The following GCSAML variants were observed in gnomAD, a reference collection of about 807,000 sequenced individuals.
GCSAML encodes the protein germinal center-associated signaling and motility-like protein.
Under a neutral mutation model 13.0 loss-of-function variants are expected in GCSAML, and 9 were observed. The ratio of observed to expected loss-of-function variants is 0.69; its 90% CI spans 0.42 to 1.21. GCSAML has a LOEUF of 1.21. Among genes scored for constraint, GCSAML ranks in the 50% most tolerant of loss-of-function variants. The pLI, the probability that GCSAML is intolerant of heterozygous loss-of-function variation, is 0.00. For missense variants in GCSAML, 143 were observed against 153.4 expected, an observed-to-expected ratio of 0.93 and a Z score of 0.36; for synonymous variants, 37 against 52.9, an observed-to-expected ratio of 0.70 and a Z score of 1.31.
chr1:247,561,567 T>C (rs1668129442), intron 2 of GCSAML, among the ~76,000 whole-genome samples: 1 of 152,198 alleles, frequency 6.6e-6, no homozygotes, highest in African/African-American at 2.4e-5. Flanking sequence ...TTAATGTTGC[T>C]TTAATTTAAT....
chr1:247,512,056 T>C (rs1053719728), intron 1 of GCSAML, among the ~76,000 whole-genome samples: 4 of 152,202 alleles, frequency 2.6e-5, no homozygotes, highest in Non-Finnish European at 5.9e-5. Flanking sequence ...TTGGCCTGCC[T>C]TGCTAGGTTG....
At chr1:247,523,429 G>T (rs1030978622) in intron 1 of GCSAML, among the ~76,000 whole-genome samples, 1 of 152,140 alleles carries the variant, frequency 6.6e-6, no homozygotes, top group Non-Finnish European at 1.5e-5. Context: ...ACCCTTTACA[G>T]ATAAAGACAA....
chr1:247,521,774 G>A (rs980206454), intron 1 of GCSAML, among the ~76,000 whole-genome samples: 1 of 152,128 alleles, frequency 6.6e-6, no homozygotes, highest in South Asian at 2.1e-4. Context: ...CCAAAGTGCC[G>A]AGATTGCAGC....
At position 247,577,432 on chromosome 1, in the gene GCSAML, G is replaced by A. The variant is rs1299622452; in HGVS notation, c.*3050G>A. On this transcript the variant is annotated 3_prime_UTR_variant, in exon 5 of 5. Transcript: ENST00000366488. The stretch of plus-strand genomic sequence containing the variant: ...TGATCTGCTTCGTATAATTATAACT[G>A]TTCTAGATATTTGTAGCAATGTACC... 1.3e-5 allele frequency: 2 copies of A among 152,076 alleles called. No individual in the cohort carries two copies. Among genetic ancestry groups the A allele is most frequent in the African/African-American group, 4.8e-5 (2 of 41,408 alleles). 9.4% of individuals were successfully genotyped at this position (152,076 alleles called of 1,614,324 possible).
chr1:247,530,076 T>G (rs1666857200), intron 2 of GCSAML: 1 of 152,178 alleles, frequency 6.6e-6, no homozygotes, highest in Non-Finnish European at 1.5e-5. Flanking sequence ...TACACATATT[T>G]TTGGTTCTGT....
At chr1:247,537,132 C>T (rs1457400515) in intron 2 of GCSAML, among the ~76,000 whole-genome samples, 1 of 152,156 alleles carries the variant, frequency 6.6e-6, no homozygotes, top group East Asian at 1.9e-4. Flanking sequence ...CTTCATTTGC[C>T]AGCTCTCCCT....
rs946090260 is a variant in GCSAML at position 247,575,389 on chromosome 1, C to G, written c.*1007C>G. ...AATCTTCAATTCCAAGCCTGCTCAC[C>G]AAATTTCAAATGCCAACATCTCCCC... On this transcript the variant is annotated 3_prime_UTR_variant, in exon 5 of 5. Coordinates refer to ENST00000366488, the MANE Select transcript of GCSAML (RefSeq NM_145278.5). The G allele has an allele frequency of 6.6e-6, 1 of 152,120 alleles. No homozygotes were observed. Among genetic ancestry groups the G allele is most frequent in the African/African-American group, 2.4e-5 (1 of 41,432 alleles). 9.4% of individuals were successfully genotyped at this position (152,120 alleles called of 1,614,324 possible).
chr1:247,561,112 C>T (rs1013942112), intron 2 of GCSAML, among the ~76,000 whole-genome samples: 1 of 152,092 alleles, frequency 6.6e-6, no homozygotes. Context: ...CACCATCATG[C>T]CTGGCTAATA....
At chr1:247,559,315 T>G (rs137888509) in intron 2 of GCSAML, among the ~76,000 whole-genome samples, 2 of 152,368 alleles carry the variant, frequency 1.3e-5, no homozygotes, top group East Asian at 3.9e-4. Context: ...CTGGTTTATT[T>G]GAGTTACCTT....
At chr1:247,518,242 T>C (rs1197915234) in intron 1 of GCSAML, among the ~76,000 whole-genome samples, 1 of 152,188 alleles carries the variant, frequency 6.6e-6, no homozygotes, top group East Asian at 1.9e-4. Context: ...CCTGGGGCGG[T>C]GCAGTCACCG....
At chr1:247,531,920 T>A in intron 2 of GCSAML, 1 of 1,614,114 alleles carries the variant, frequency 6.2e-7, no homozygotes, top group East Asian at 2.2e-5. Context: ...TACATCTCCA[T>A]CTCATTGAGG....
At chr1:247,566,606 A>G (rs1225011480) in intron 4 of GCSAML, among the ~76,000 whole-genome samples, 1 of 151,686 alleles carries the variant, frequency 6.6e-6, no homozygotes, top group African/African-American at 2.4e-5. Flanking sequence ...TTTATACTTA[A>G]AAACTGACCA....
In GCSAML at chr1:247,574,575, T is replaced by G. The variant is rs534892532; in HGVS notation, c.*193T>G. The G allele has an allele frequency of 1.7e-6, 1 of 596,200 alleles. No individual in the cohort carries two copies. The highest frequency in any genetic ancestry group is 1.8e-5 in the African/African-American group (1 of 54,118). 36.9% of individuals were successfully genotyped at this position (596,200 alleles called of 1,614,324 possible). ...GTGGCTTAGGTGAAATCATAGAAATTGACACAATGACCTAAAATATTCTAT... is the reference window on the plus strand; with the variant it reads ...GTGGCTTAGGTGAAATCATAGAAATGGACACAATGACCTAAAATATTCTAT... On this transcript the variant is annotated 3_prime_UTR_variant, in exon 5 of 5. Transcript: ENST00000366488.
intron 2 of GCSAML, among the ~76,000 whole-genome samples, chr1:247,534,677 A>C (rs535727616): frequency 1.3e-5 from 2 of 152,322 alleles, no homozygotes; most frequent in East Asian, 3.9e-4. Context: ...CACCCAGATT[A>C]GGGGAACAGA....
intron 4 of GCSAML, among the ~76,000 whole-genome samples, chr1:247,571,334 G>A (rs1045388126): frequency 1.3e-5 from 2 of 152,162 alleles, no homozygotes; most frequent in African/African-American, 4.8e-5. Context: ...GCAGTGGGTG[G>A]TACTGGTTTT....
chr1:247,507,858 T>A (rs1421748794), intron 1 of GCSAML, among the ~76,000 whole-genome samples: 2 of 152,190 alleles, frequency 1.3e-5, no homozygotes, highest in Non-Finnish European at 2.9e-5. Flanking sequence ...TCTTTTTTAT[T>A]GCTGCATAGT....
chr1:247,536,702 C>T (rs943953588), intron 2 of GCSAML, among the ~76,000 whole-genome samples: 1 of 152,168 alleles, frequency 6.6e-6, no homozygotes, highest in Non-Finnish European at 1.5e-5. Flanking sequence ...GTATTACACA[C>T]ACAGAATTGT....
intron 2 of GCSAML, among the ~76,000 whole-genome samples, chr1:247,534,655 A>C (rs767304045): frequency 2.7e-4 from 41 of 152,210 alleles, no homozygotes; most frequent in Admixed American, 2.4e-3. Flanking sequence ...TCAATTTATT[A>C]TAGTTAAGAT....
In GCSAML at chr1:247,527,426, C is replaced by G. The variant is rs1379838629; in HGVS notation, c.-148+372C>G. 2 of 156,164 alleles carry G rather than the reference C, an allele frequency of 1.3e-5. No individual in the cohort carries two copies. Among genetic ancestry groups the G allele is most frequent in the African/African-American group, 4.8e-5 (2 of 41,556 alleles). 9.7% of individuals were successfully genotyped at this position (156,164 alleles called of 1,614,324 possible). A position where few individuals can be genotyped will look rare whatever the true frequency, so the allele number is the denominator to read the frequency against. ...TACTGCCACTTCCTCATTGCTTTCT[C>G]TGGAGGTTCTACCAACTTGACTACT... On this transcript the variant is annotated intron_variant, in intron 2 of 5. Coordinates refer to the GCSAML transcript ENST00000366489. This position sits in a 1 kb window ranked among gnomAD's most constrained non-coding sequence, Gnocchi z 4.6.
Sources: allele counts gnomAD v4.1 joint callset (sites outside exome capture counted in the v4.1 genomes callset), GRCh38; gene constraint gnomAD v4.1.1; non-coding constraint Gnocchi (gnomAD v3.1); transcripts MANE v1.5; gene names NCBI Gene and HGNC (gene_info 2026-07-23, HGNC 2026-07-21).